OAS2: variants seen among roughly 807,000 people sequenced by gnomAD.
OAS2 encodes 2'-5'-oligoadenylate synthase 2.
In OAS2, 67 loss-of-function variants were observed where a neutral mutation model predicts 71.3. The observed-to-expected ratio is 0.94, with a 90% CI of 0.77 to 1.15. The LOEUF is 1.15. Among genes scored for constraint, OAS2 ranks in the 50% most tolerant of loss-of-function variants. The pLI, the probability that OAS2 is intolerant of heterozygous loss-of-function variation, is 0.00. For missense variants in OAS2, 789 were observed against 822.5 expected, an observed-to-expected ratio of 0.96 and a Z score of 0.50; for synonymous variants, 327 against 321.8, an observed-to-expected ratio of 1.02 and a Z score of -0.17.
intron 5 of OAS2, among the ~76,000 whole-genome samples, chr12:113,000,578 C>T (rs565158602): frequency 2.2e-4 from 34 of 151,804 alleles, no homozygotes; most frequent in East Asian, 1.9e-3. Flanking sequence ...CACGCACACA[C>T]GCACACACAT....
chr12:112,987,238 G>C lies in OAS2; in HGVS notation c.378G>C (p.Gly126=), dbSNP rs749120339. The change falls in exon 2 of 10, where the codon GGG becomes GGC. Residue 126 remains glycine (G), a synonymous_variant. Transcript: ENST00000392583. Reference sequence around the variant, plus strand: ...TCGAGATCCAGAAGTCCCTTGATGGGTTCACCATCCAGGTGTTCACAAAAA... The same window carrying C: ...TCGAGATCCAGAAGTCCCTTGATGGCTTCACCATCCAGGTGTTCACAAAAA... ...NNFEIQKSLD[G]FTIQVFTKNQ... 1.2e-4 allele frequency: 197 copies of C among 1,614,052 alleles called. No individual in the cohort carries two copies. Among genetic ancestry groups the C allele is most frequent in the Non-Finnish European group, 1.5e-4 (177 of 1,180,038 alleles).
rs2044363076 is a variant in OAS2 at position 113,009,612 on chromosome 12, A to G, written c.*357A>G. On this transcript the variant is annotated 3_prime_UTR_variant, in exon 10 of 10. Coordinates refer to ENST00000392583, the MANE Select transcript of OAS2 (RefSeq NM_002535.3). ...TCTTTAGCTGTTAATTTGAGTACTTATGGCCCTGAAAGCGGCCACGGTGCC... is the reference window on the plus strand; with the variant it reads ...TCTTTAGCTGTTAATTTGAGTACTTGTGGCCCTGAAAGCGGCCACGGTGCC... 1 of 1,004,350 alleles carries G rather than the reference A, an allele frequency of 1.0e-6. No individual in the cohort carries two copies. The highest frequency in any genetic ancestry group is 1.7e-5 in the African/African-American group (1 of 58,030). 62.2% of individuals were successfully genotyped at this position (1,004,350 alleles called of 1,614,324 possible). A position where few individuals can be genotyped will look rare whatever the true frequency, so the allele number is the denominator to read the frequency against.
Position 113,010,622 on chromosome 12 carries a change from T to C in OAS2, c.*1367T>C. On this transcript the variant is annotated 3_prime_UTR_variant, in exon 10 of 10. Transcript: ENST00000392583. Reference sequence around the variant, plus strand: ...TGAAATCAATCAAGACTGCAAACCCTTTCATAAAGTCTTGCCTTGCTGAAC... The same window carrying C: ...TGAAATCAATCAAGACTGCAAACCCCTTCATAAAGTCTTGCCTTGCTGAAC... 2 of 1,323,932 alleles carry C rather than the reference T, an allele frequency of 1.5e-6. No homozygotes were observed. The highest frequency in any genetic ancestry group is 2.0e-6 in the Non-Finnish European group (2 of 1,011,558). 82.0% of individuals were successfully genotyped at this position (1,323,932 alleles called of 1,614,324 possible).
At chr12:113,002,719 T>G (rs2044299976) in intron 5 of OAS2, among the ~76,000 whole-genome samples, 1 of 152,154 alleles carries the variant, frequency 6.6e-6, no homozygotes, top group South Asian at 2.1e-4. Context: ...AGGACAGTTT[T>G]TGTGTCTGTG....
chr12:112,988,699 T>C, intron 2 of OAS2: 2 of 985,454 alleles, frequency 2.0e-6, no homozygotes, highest in Non-Finnish European at 2.4e-6. Context: ...TAGAATTTCT[T>C]ATCAACGAAG....
rs1338718351 is a variant in OAS2 at position 113,010,465 on chromosome 12, A to C, written c.*1210A>C. ...AGAAGCCATAGAATCCTGAATAATAATTCTAAAAGAAACTTCTAGAGATCA... is the reference window on the plus strand; with the variant it reads ...AGAAGCCATAGAATCCTGAATAATACTTCTAAAAGAAACTTCTAGAGATCA... On this transcript the variant is annotated 3_prime_UTR_variant, in exon 10 of 10. Transcript: ENST00000392583. The C allele has an allele frequency of 6.2e-7, 1 of 1,613,642 alleles. No individual in the cohort carries two copies. Among genetic ancestry groups the C allele is most frequent in the East Asian group, 2.2e-5 (1 of 44,864 alleles).
intron 2 of OAS2, chr12:112,987,658 C>G (rs971293096): frequency 4.4e-6 from 5 of 1,142,920 alleles, no homozygotes; most frequent in Middle Eastern, 7.3e-4. Flanking sequence ...TTCTAGCCAG[C>G]TCCATGATGA....
At position 112,987,086 on chromosome 12, in the gene OAS2, AC is replaced by A; in HGVS notation, c.229del (p.Val78SerfsTer7). 1 of 1,614,120 alleles carries A rather than the reference AC, an allele frequency of 6.2e-7. No homozygotes were observed. The highest frequency in any genetic ancestry group is 8.5e-7 in the Non-Finnish European group (1 of 1,179,974). ...AGTCTTAAGAGGCAACTCCGATGGT[AC>A]CCTTGTCCTCTTCTTCAGTGACTTA... ...KTVLRGNSDGTLVLFFSDLKQ... is the reference protein window; with the variant it reads ...KTVLRGNSDGXLVLFFSDLKQ... On this transcript the variant is annotated frameshift_variant, in exon 2 of 10. Coordinates refer to ENST00000392583, the MANE Select transcript of OAS2 (RefSeq NM_002535.3). LOFTEE classifies it high-confidence loss of function.
intron 8 of OAS2, among the ~76,000 whole-genome samples, chr12:113,006,859 A>T (rs541051918): frequency 2.0e-5 from 3 of 152,268 alleles, no homozygotes; most frequent in Admixed American, 6.5e-5. Context: ...AATCCAAGTG[A>T]CCTTGCCTAC....
At chr12:112,998,118 C>T (rs576469384) in intron 4 of OAS2, 148 bp from the exon 5 acceptor site, 13 of 807,498 alleles carry the variant, frequency 1.6e-5, no homozygotes, top group Admixed American at 8.5e-5. Context: ...GGCTTGATGT[C>T]GTAGACAAAA....
rs1372011723 is a variant in OAS2, at chr12:113,004,939, A to T, written c.1185A>T (p.Gly395=). The part of the protein sequence containing the change: ...STAKIQIVRG[G]STAKGTALKT... ...AACCTTCCTTTCTTCCTTAGGGAGG[A>T]TCAACCGCCAAAGGCACAGCTCTGA... Residue 395 remains glycine (G), a synonymous_variant, in exon 7 of 10, where the codon GGA becomes GGT. Coordinates refer to ENST00000392583, the MANE Select transcript of OAS2 (RefSeq NM_002535.3). 6.2e-7 allele frequency: 1 copy of T among 1,613,764 alleles called. No individual in the cohort carries two copies. Among genetic ancestry groups the T allele is most frequent in the Admixed American group, 1.7e-5 (1 of 59,994 alleles).
In OAS2 at chr12:112,987,269, A is replaced by G. The variant is rs762119510; in HGVS notation, c.409A>G (p.Arg137Gly). The G allele has an allele frequency of 6.2e-7, 1 of 1,614,136 alleles. No homozygotes were observed. Among genetic ancestry groups the G allele is most frequent in the Non-Finnish European group, 8.5e-7 (1 of 1,180,018 alleles). ...FTIQVFTKNQ[R>G]ISFEVLAAFN... is the part of the protein sequence containing the mutation. The stretch of plus-strand genomic sequence containing the variant: ...CATCCAGGTGTTCACAAAAAATCAG[A>G]GAATCTCTTTCGAGGTGCTGGCCGC... Residue 137 changes from arginine (R) to glycine (G), a missense_variant, in exon 2 of 10, where the codon AGA becomes GGA. Coordinates refer to ENST00000392583, the MANE Select transcript of OAS2 (RefSeq NM_002535.3).
At chr12:113,001,066 A>G (rs1181247199) in intron 5 of OAS2, among the ~76,000 whole-genome samples, 1 of 152,194 alleles carries the variant, frequency 6.6e-6, no homozygotes, top group East Asian at 1.9e-4. Flanking sequence ...AATTTGAGCC[A>G]GGCACAGTGG....
In OAS2 at chr12:112,987,130, G is replaced by T. The variant is rs1163737556; in HGVS notation, c.270G>T (p.Gln90His). ...GTGACTTAAAACAATTCCAGGATCA[G>T]AAGAGAAGCCAACGTGACATCCTCG... ...FFSDLKQFQD[Q>H]KRSQRDILDK... The change falls in exon 2 of 10, where the codon CAG becomes CAT. Residue 90 changes from glutamine to histidine, a missense_variant. Coordinates refer to ENST00000392583, the MANE Select transcript of OAS2 (RefSeq NM_002535.3). 2.1e-5 allele frequency: 34 copies of T among 1,614,210 alleles called. No individual in the cohort carries two copies. In the East Asian group the frequency reaches 7.6e-4, roughly 36 times the overall value.
chr12:113,005,050 C>G lies in OAS2; in HGVS notation c.1296C>G (p.Val432=). The G allele has an allele frequency of 6.2e-7, 1 of 1,614,180 alleles. No individual in the cohort carries two copies. Among genetic ancestry groups the G allele is most frequent in the South Asian group, 1.1e-5 (1 of 91,074 alleles). ...AAAAAAACGAGCGGCACAAAATCGT[C>G]AAGGAAATCCATGAACAGCTGAAAG... is the stretch of plus-strand genomic sequence containing the variant. ...TSQKNERHKI[V]KEIHEQLKAF... Residue 432 remains valine, a synonymous_variant, in exon 7 of 10, where the codon GTC becomes GTG. Coordinates refer to ENST00000392583, the MANE Select transcript of OAS2 (RefSeq NM_002535.3).
rs56814612 is a variant in OAS2, at chr12:113,001,887, A to AAAAAAAAAAT, written c.1009-1044_1009-1043insAAAAAAAATA. Among the ~76,000 whole-genome samples the AAAAAAAAAAT allele has an allele frequency of 9.0e-5, 10 of 110,716 alleles. 1 individual carries two copies. The highest frequency in any genetic ancestry group is 1.2e-4 in the African/African-American group (3 of 25,896). 72.6% of individuals were successfully genotyped at this position (110,716 alleles called of 152,430 possible). ...ACAAAAAAAAAAAAAAAAAAAAAAA[A>AAAAAAAAAAT]AGCTAGGCGTGGTGGCACAAACCTG... On this transcript the variant is annotated intron_variant, in intron 5 of 9. Coordinates refer to ENST00000392583, the MANE Select transcript of OAS2 (RefSeq NM_002535.3).
intron 1 of OAS2, among the ~76,000 whole-genome samples, chr12:112,980,026 T>C: frequency 6.6e-6 from 1 of 152,242 alleles, no homozygotes; most frequent in East Asian, 1.9e-4. Context: ...ATGATGTTTA[T>C]GAAATTTATG....
Position 112,995,446 on chromosome 12 carries a change from T to C in OAS2, c.599T>C (p.Ile200Thr), listed in dbSNP as rs762748273. Reference sequence around the variant, plus strand: ...CGTCCTGGAAAACTAAAGGATTTGATCCTCTTGATAAAGCACTGGCATCAA... The same window carrying C: ...CGTCCTGGAAAACTAAAGGATTTGACCCTCTTGATAAAGCACTGGCATCAA... ...DNRPGKLKDL[I>T]LLIKHWHQQC... The change falls in exon 3 of 10, where the codon ATC becomes ACC. Residue 200 changes from isoleucine to threonine, a missense_variant. Ile to Thr is a moderately conservative substitution (Grantham distance 89). Transcript: ENST00000392583. The C allele has an allele frequency of 6.2e-7, 1 of 1,614,058 alleles. No homozygotes were observed. Among genetic ancestry groups the C allele is most frequent in the South Asian group, 1.1e-5 (1 of 91,048 alleles).
rs1268207428 is a variant in OAS2 at position 113,006,552 on chromosome 12, C to G, written c.1608C>G (p.Pro536=). The G allele has an allele frequency of 6.2e-7, 1 of 1,612,530 alleles. No homozygotes were observed. Among genetic ancestry groups the G allele is most frequent in the Non-Finnish European group, 8.5e-7 (1 of 1,178,866 alleles). ...AGCGAAACTTCATTCGCTCCCGGCC[C>G]ACCAAACTAAAGGATTTAATTCGCC... ...VLQRNFIRSR[P]TKLKDLIRLV... is the part of the protein sequence containing the mutation. The change falls in exon 8 of 10, where the codon CCC becomes CCG. Residue 536 remains proline, a synonymous_variant. Transcript: ENST00000392583.
Sources: allele counts gnomAD v4.1 joint callset (sites outside exome capture counted in the v4.1 genomes callset), GRCh38; gene constraint gnomAD v4.1.1; transcripts MANE v1.5; gene names NCBI Gene and HGNC (gene_info 2026-07-23, HGNC 2026-07-21).